CIITA: variants seen among roughly 807,000 people sequenced by gnomAD.
CIITA encodes MHC class II transactivator.
In CIITA, 72 loss-of-function variants were observed where a neutral mutation model predicts 115.1. The observed-to-expected ratio is 0.63, with a 90% CI of 0.52 to 0.76. The LOEUF (loss-of-function observed/expected upper bound fraction) is 0.76, where lower values mean the gene tolerates loss of function less well. Among genes scored for constraint, CIITA ranks in the 30% least tolerant of loss-of-function variants. The pLI is 0.00. For synonymous variants in CIITA, 763 were observed against 635.6 expected (o/e 1.20, Z -3.02); for missense variants, 1,617 against 1,463.8 (o/e 1.10, Z -1.71).
At position 10,941,928 on chromosome 16, in the gene CIITA, G is replaced by C. The variant is rs752792401; in HGVS notation, n.1054G>C. On this transcript the variant is annotated non_coding_transcript_exon_variant, in exon 2 of 2. Transcript: ENST00000573379. The surrounding 1 kb of genome is among the most constrained non-coding windows in gnomAD (Gnocchi z 6.4). The stretch of plus-strand genomic sequence containing the variant: ...AGAACAGGCCCACGTAGAACATAGA[G>C]GGCAGCAGCGGCGGCGGCACGTAGG... The C allele has an allele frequency of 3.8e-6, 6 of 1,596,130 alleles. No individual in the cohort carries two copies. The Admixed American group carries it at 7.0e-5, about 19-fold the overall frequency.
At chr16:10,892,748 C>T (rs961542967) in intron 1 of CIITA, among the ~76,000 whole-genome samples, 3 of 152,100 alleles carry the variant, frequency 2.0e-5, no homozygotes, top group African/African-American at 7.2e-5. Context: ...GCGTGGCCAA[C>T]ATGGCAAAAC....
intron 10 of CIITA, among the ~76,000 whole-genome samples, 186 bp downstream of exon 10, chr16:10,904,998 CTCCCTCAAAT>C (rs1395360521): frequency 2.0e-5 from 3 of 152,192 alleles, no homozygotes; most frequent in African/African-American, 7.2e-5. Flanking sequence ...CACTCCACCA[CTCCCTCAAAT>C]AATATTTATT....
chr16:10,916,568 C>A, intron 15 of CIITA, 109 bp downstream of exon 15: 2 of 931,078 alleles, frequency 2.1e-6, no homozygotes, highest in East Asian at 2.6e-5. Context: ...CGCTGTGTCA[C>A]CCAGGCTAGA....
chr16:10,901,845 C>T lies in CIITA; in HGVS notation c.482-193C>T. 1 of 839,640 alleles carries T rather than the reference C, an allele frequency of 1.2e-6. No individual in the cohort carries two copies. Among genetic ancestry groups the T allele is most frequent in the Non-Finnish European group, 1.9e-6 (1 of 516,824 alleles). The allele number at this position is 839,640 out of a possible 1,614,324, so 52.0% of individuals were successfully genotyped here. The stretch of plus-strand genomic sequence containing the variant: ...GTCCTGCTCAGCATAGCTCTCAGAG[C>T]CAAGTCACAAGGAGAGGACTGGGGG... On this transcript the variant is annotated intron_variant, in intron 6 of 19. Coordinates refer to ENST00000324288, the MANE Select transcript of CIITA (RefSeq NM_000246.4). This position sits in a 1 kb window ranked among gnomAD's most constrained non-coding sequence, Gnocchi z 6.8.
rs1468938037 is a variant in CIITA, at chr16:10,903,821, G to A, written c.863G>A (p.Ser288Asn). The change falls in exon 9 of 20, where the codon AGC becomes AAC. Residue 288 changes from serine (S) to asparagine (N), a missense_variant. Transcript: ENST00000324288. ...PTSPDRPGSTSPFAPSATDLP... is the reference protein window; with the variant it reads ...PTSPDRPGSTNPFAPSATDLP... ...TCTCCAGACCGGCCAGGCTCCACCA[G>A]CCCCTTCGCTCCATCAGCCACTGAC... is the stretch of plus-strand genomic sequence containing the variant. The A allele has an allele frequency of 6.2e-7, 1 of 1,614,044 alleles. No individual in the cohort carries two copies. Among genetic ancestry groups the A allele is most frequent in the Admixed American group, 1.7e-5 (1 of 60,004 alleles).
At position 10,877,322 on chromosome 16, in the gene CIITA, T is replaced by C. The variant is rs2035917805; in HGVS notation, c.-9T>C. ...CCGGGAGCTGCTGCCTGGCTGGGAT[T>C]CCTACACAATGCGTTGCCTGGCTCC... On this transcript the variant is annotated 5_prime_UTR_variant, in exon 1 of 20. Transcript: ENST00000324288. 1.2e-6 allele frequency: 2 copies of C among 1,612,554 alleles called. No individual in the cohort carries two copies. The highest frequency in any genetic ancestry group is 1.7e-6 in the Non-Finnish European group (2 of 1,179,290).
At chr16:10,892,897 A>G (rs922329212) in intron 1 of CIITA, among the ~76,000 whole-genome samples, 1 of 152,236 alleles carries the variant, frequency 6.6e-6, no homozygotes, top group East Asian at 1.9e-4. Flanking sequence ...GCGCCACTGC[A>G]TTCCAGCCTG....
In CIITA at chr16:10,906,875, T is replaced by C. The variant is rs1359597737; in HGVS notation, c.1383T>C (p.Asp461=). The C allele has an allele frequency of 6.2e-7, 1 of 1,613,546 alleles. No homozygotes were observed. Residue 461 remains aspartate (D), a synonymous_variant, in exon 11 of 20, where the codon GAT becomes GAC. Coordinates refer to ENST00000324288, the MANE Select transcript of CIITA (RefSeq NM_000246.4). ...VPCHCLNRPG[D]AYGLQDLLFS... Reference sequence around the variant, plus strand: ...GCCATTGCTTGAACCGTCCGGGGGATGCCTATGGCCTGCAGGATCTGCTCT... The same window carrying C: ...GCCATTGCTTGAACCGTCCGGGGGACGCCTATGGCCTGCAGGATCTGCTCT...
At chr16:10,873,223 C>G (rs987585019), upstream of CIITA, among the ~76,000 whole-genome samples, 2 of 152,208 alleles carry the variant, frequency 1.3e-5, no homozygotes, top group Non-Finnish European at 2.9e-5. Flanking sequence ...ACATACCTGC[C>G]TTAGCCTCCC....
chr16:10,917,353 T>C (rs1448096847), intron 15 of CIITA, among the ~76,000 whole-genome samples: 2 of 152,218 alleles, frequency 1.3e-5, no homozygotes, highest in African/African-American at 4.8e-5. Context: ...TTGTATTTTT[T>C]TGTAGAGACG....
At chr16:10,867,869 C>T (rs117464563) in intron 1 of CIITA, among the ~76,000 whole-genome samples, 2,965 of 152,278 alleles carry the variant, frequency 0.019, 40 homozygotes, top group South Asian at 0.034. Context: ...GATCCTCCCA[C>T]CTCAGCCTCC....
chr16:10,890,005 C>A (rs1334007377), intron 1 of CIITA, among the ~76,000 whole-genome samples: 1 of 152,176 alleles, frequency 6.6e-6, no homozygotes, highest in Non-Finnish European at 1.5e-5. Context: ...TTTTTGGGAA[C>A]TCAGATGGTG....
chr16:10,939,592 T>C (rs2041073642), downstream of CIITA: 1 of 152,214 alleles, frequency 6.6e-6, no homozygotes, highest in Non-Finnish European at 1.5e-5. This position sits in a 1 kb window ranked among gnomAD's most constrained non-coding sequence, Gnocchi z 4.9. Flanking sequence ...TTCTATCAAA[T>C]TAAGGCTCAG....
At chr16:10,889,387 G>A (rs942119014) in intron 1 of CIITA, among the ~76,000 whole-genome samples, 98 of 152,134 alleles carry the variant, frequency 6.4e-4, no homozygotes, top group African/African-American at 2.2e-3. Context: ...AGAGTCTTGG[G>A]CCTGAATTTC....
chr16:10,868,361 C>T lies in CIITA; in HGVS notation c.-21+2042C>T, dbSNP rs542470524. ...TTGATCTTCAACTTAGCCTTCAGGG[C>T]ATCAAATGCATTTTGGCGGCCTTAT... is the stretch of plus-strand genomic sequence containing the variant. On this transcript the variant is annotated intron_variant, in intron 1 of 5. Coordinates refer to the CIITA transcript ENST00000636238. Among the ~76,000 whole-genome samples, 22 of 152,316 alleles carry T rather than the reference C, an allele frequency of 1.4e-4. 1 individual carries two copies. The South Asian group carries it at 2.5e-3, about 17-fold the overall frequency.
In CIITA at chr16:10,907,095, A is replaced by G; in HGVS notation, c.1603A>G (p.Lys535Glu). ...GGGGCTGCTGGCCGGCCTTTTCCAG[A>G]AGAAGCTGCTCCGAGGTTGCACCCT... ...LRGLLAGLFQ[K>E]KLLRGCTLLL... Residue 535 changes from lysine to glutamate, a missense_variant, in exon 11 of 20, where the codon AAG (lysine) becomes GAG (glutamate). Coordinates refer to ENST00000324288, the MANE Select transcript of CIITA (RefSeq NM_000246.4). This position sits in a 1 kb window ranked among gnomAD's most constrained non-coding sequence, Gnocchi z 5.0. The G allele has an allele frequency of 6.2e-7, 1 of 1,609,224 alleles. No homozygotes were observed. The highest frequency in any genetic ancestry group is 8.5e-7 in the Non-Finnish European group (1 of 1,179,712).
intron 3 of CIITA, 62 bp downstream of exon 3, chr16:10,895,826 G>T: frequency 3.3e-6 from 5 of 1,504,856 alleles, no homozygotes; most frequent in Non-Finnish European, 4.6e-6. Context: ...GCTGCCACTT[G>T]TCAATATCAC....
At position 10,902,475 on chromosome 16, in the gene CIITA, C is replaced by A. The variant is rs6498125; in HGVS notation, c.629-183C>A. On this transcript the variant is annotated intron_variant, in intron 7 of 19. Transcript: ENST00000324288. ...CGTTCATCAGCTCTTCATGGAGCCC[C>A]TTCTCTGTGCCAACTGCTCTGCTAG... 3.3e-5 allele frequency among the ~76,000 whole-genome samples: 5 copies of A among 152,052 alleles called. No individual in the cohort carries two copies. In the East Asian group the frequency reaches 7.7e-4, roughly 23 times the overall value.
At chr16:10,900,474 T>C (rs1047830230) in intron 5 of CIITA, among the ~76,000 whole-genome samples, 6 of 152,012 alleles carry the variant, frequency 3.9e-5, no homozygotes, top group Non-Finnish European at 7.4e-5. Flanking sequence ...GCGTGGTGGC[T>C]CACATCTGTA....
Sources: allele counts gnomAD v4.1 joint callset (sites outside exome capture counted in the v4.1 genomes callset), GRCh38; gene constraint gnomAD v4.1.1; non-coding constraint Gnocchi (gnomAD v3.1); transcripts MANE v1.5; gene names NCBI Gene and HGNC (gene_info 2026-07-23, HGNC 2026-07-21).